The following JAZF1 variants were observed in gnomAD, a reference collection of about 807,000 sequenced individuals.
The protein encoded by JAZF1 is JAZF zinc finger 1.
A neutral mutation model predicts 26.4 loss-of-function variants in JAZF1; 8 were observed. That is an observed-to-expected ratio of 0.30 (90% CI 0.18 to 0.55). The LOEUF is 0.55. Ranked by LOEUF, JAZF1 falls within the 20% of genes least tolerant of loss-of-function variation. The pLI is 0.94. For missense variants in JAZF1, 199 were observed against 322.0 expected, an observed-to-expected ratio of 0.62 and a Z score of 2.92; for synonymous variants, 126 against 122.3, an observed-to-expected ratio of 1.03 and a Z score of -0.20.
At chr7:28,049,986 G>A (rs1783583992) in intron 1 of JAZF1, among the ~76,000 whole-genome samples, 1 of 152,034 alleles carries the variant, frequency 6.6e-6, no homozygotes, top group African/African-American at 2.4e-5. Flanking sequence ...CCTCCCTAAG[G>A]CTGGCAGGTG....
intron 1 of JAZF1, among the ~76,000 whole-genome samples, chr7:27,996,434 G>T (rs573400633): frequency 1.3e-5 from 2 of 152,184 alleles, no homozygotes; most frequent in Non-Finnish European, 2.9e-5. Flanking sequence ...GAGAGGATGT[G>T]GGTGGGAAGG....
intron 2 of JAZF1, among the ~76,000 whole-genome samples, chr7:27,896,257 G>A (rs543008266): frequency 3.0e-4 from 46 of 152,244 alleles, no homozygotes; most frequent in African/African-American, 1.1e-3. Context: ...TTTTCTCACT[G>A]TATAATCTAC....
intron 3 of JAZF1, among the ~76,000 whole-genome samples, chr7:27,854,154 T>C (rs1783201821): frequency 6.6e-6 from 1 of 152,262 alleles, no homozygotes. Flanking sequence ...TGATCTTTGC[T>C]GGTTTAAAGT....
Position 27,882,418 on chromosome 7 carries a change from G to T in JAZF1, c.385+12802C>A, listed in dbSNP as rs149018092. ...AACCCAACTTGTTACAGCTAAATAT[G>T]AATTAACACCAGTCCAATTTTCCAA... On this transcript the variant is annotated intron_variant, in intron 3 of 4. Transcript: ENST00000283928. Among the ~76,000 whole-genome samples, 1,478 of 152,126 alleles carry T rather than the reference G, an allele frequency of 9.7e-3. 18 individuals carry two copies. The highest frequency in any genetic ancestry group is 0.017 in the Middle Eastern group (5 of 294).
At chr7:28,136,253 GT>G (rs1223903074) in intron 1 of JAZF1, among the ~76,000 whole-genome samples, 1 of 152,232 alleles carries the variant, frequency 6.6e-6, no homozygotes, top group African/African-American at 2.4e-5. Context: ...GGGACACAGA[GT>G]TTAAGTTACT....
At chr7:27,953,767 A>G (rs1209193112) in intron 2 of JAZF1, among the ~76,000 whole-genome samples, 1 of 152,238 alleles carries the variant, frequency 6.6e-6, no homozygotes. Context: ...GATCTGTAAA[A>G]TATATACTTA....
intron 2 of JAZF1, among the ~76,000 whole-genome samples, chr7:27,954,238 C>G (rs963415646): frequency 6.6e-6 from 1 of 152,214 alleles, no homozygotes; most frequent in African/African-American, 2.4e-5. Context: ...GGTGCTTCTT[C>G]TTCCTGCTGC....
chr7:28,031,920 TAA>T (rs1182428393), intron 1 of JAZF1, among the ~76,000 whole-genome samples: 7 of 152,114 alleles, frequency 4.6e-5, no homozygotes, highest in Non-Finnish European at 7.4e-5. Flanking sequence ...TTTTCTCTGA[TAA>T]AGACTCTCTG....
chr7:27,879,261 G>C (rs1783728206), intron 3 of JAZF1, among the ~76,000 whole-genome samples: 1 of 152,156 alleles, frequency 6.6e-6, no homozygotes, highest in African/African-American at 2.4e-5. Flanking sequence ...TCTCTTTTCT[G>C]AGAGTCAAGG....
chr7:27,956,155 A>G (rs1669034633), intron 2 of JAZF1, among the ~76,000 whole-genome samples: 1 of 152,192 alleles, frequency 6.6e-6, no homozygotes, highest in East Asian at 1.9e-4. Flanking sequence ...AAGGCGTTTC[A>G]CAAAAATCAG....
At chr7:28,043,241 T>C (rs890786285) in intron 1 of JAZF1, among the ~76,000 whole-genome samples, 16 of 152,214 alleles carry the variant, frequency 1.1e-4, no homozygotes, top group African/African-American at 3.9e-4. Context: ...GGCTGCTTGT[T>C]AATGGTGGAC....
intron 1 of JAZF1, among the ~76,000 whole-genome samples, chr7:28,056,282 A>G (rs1436062370): frequency 6.6e-6 from 1 of 152,092 alleles, no homozygotes; most frequent in East Asian, 1.9e-4. Context: ...TAGTAAAAGG[A>G]GGCAGTTCAT....
intron 1 of JAZF1, among the ~76,000 whole-genome samples, chr7:28,042,668 C>A (rs571632504): frequency 1.7e-3 from 253 of 152,218 alleles, no homozygotes; most frequent in African/African-American, 5.9e-3. Context: ...GGAACACTTA[C>A]GTGATGGTGG....
intron 1 of JAZF1, among the ~76,000 whole-genome samples, chr7:28,139,118 G>A (rs1782927080): frequency 6.6e-6 from 1 of 152,128 alleles, no homozygotes; most frequent in Non-Finnish European, 1.5e-5. Context: ...AGTGACCTTG[G>A]TTTAGATTTT....
intron 2 of JAZF1, among the ~76,000 whole-genome samples, chr7:27,924,232 C>T (rs954739934): frequency 1.3e-5 from 2 of 152,178 alleles, no homozygotes; most frequent in Admixed American, 1.3e-4. Flanking sequence ...CGCCCGCCAC[C>T]ATGCCCGGCT....
chr7:28,153,385 G>A (rs938027537), intron 1 of JAZF1, among the ~76,000 whole-genome samples: 1 of 151,990 alleles, frequency 6.6e-6, no homozygotes, highest in Admixed American at 6.6e-5. Context: ...TTTAGAATAT[G>A]ATTATTCAAA....
At chr7:28,041,808 T>A (rs952807067) in intron 1 of JAZF1, among the ~76,000 whole-genome samples, 1 of 152,344 alleles carries the variant, frequency 6.6e-6, no homozygotes, top group Non-Finnish European at 1.5e-5. Flanking sequence ...GTATTTCTCA[T>A]ACCCACAAAT....
intron 1 of JAZF1, among the ~76,000 whole-genome samples, chr7:28,104,124 C>T (rs1784516088): frequency 6.6e-6 from 1 of 152,180 alleles, no homozygotes; most frequent in Non-Finnish European, 1.5e-5. Context: ...GTTCTCCCAG[C>T]TGGCCACCTT....
intron 2 of JAZF1, among the ~76,000 whole-genome samples, chr7:27,964,505 A>G (rs2128358028): frequency 6.6e-6 from 1 of 152,278 alleles, no homozygotes; most frequent in East Asian, 1.9e-4. Context: ...TTATAAAATT[A>G]GAATGGGACT....
Sources: allele counts gnomAD v4.1 joint callset (sites outside exome capture counted in the v4.1 genomes callset), GRCh38; gene constraint gnomAD v4.1.1; transcripts MANE v1.5; gene names NCBI Gene and HGNC (gene_info 2026-07-23, HGNC 2026-07-21).